Variants in TAF3 observed in about 807,000 individuals in gnomAD.
The protein encoded by TAF3 is TATA-box binding protein associated factor 3.
In TAF3, 7 loss-of-function variants were observed where a neutral mutation model predicts 80.6. The ratio of observed to expected loss-of-function variants is 0.09; its 90% confidence interval spans 0.05 to 0.16. The LOEUF (loss-of-function observed/expected upper bound fraction) is 0.16, where lower values mean the gene tolerates loss of function less well. TAF3 is among the 10% of genes least tolerant of loss of function. The pLI, the probability that TAF3 is intolerant of heterozygous loss-of-function variation, is 1.00. For synonymous variants in TAF3, 444 were observed against 446.1 expected (o/e 1.00, Z 0.06); for missense variants, 921 against 1,140.2 (o/e 0.81, Z 2.77).
At position 7,898,506 on chromosome 10, in the gene TAF3, A is replaced by T. The variant is rs1235889513; in HGVS notation, c.410-65414A>T. Among the ~76,000 whole-genome samples the T allele has an allele frequency of 2.0e-5, 3 of 147,036 alleles. No homozygotes were observed. The East Asian group carries it at 6.1e-4, about 30-fold the overall frequency. ...GGTTGCAGTGAGCCTAGATCACGCC[A>T]CTGCGCTCCAGATTGGGCGACAGAA... is the stretch of plus-strand genomic sequence containing the variant. On this transcript the variant is annotated intron_variant, in intron 2 of 6. Transcript: ENST00000344293.
intron 2 of TAF3, among the ~76,000 whole-genome samples, chr10:7,943,215 C>T (rs1837993300): frequency 6.6e-6 from 1 of 152,176 alleles, no homozygotes; most frequent in Non-Finnish European, 1.5e-5. Context: ...GAAACAGGCG[C>T]TCGATGTTGG....
At chr10:7,847,306 C>T (rs1836981579) in intron 2 of TAF3, among the ~76,000 whole-genome samples, 1 of 152,110 alleles carries the variant, frequency 6.6e-6, no homozygotes, top group African/African-American at 2.4e-5. Flanking sequence ...CTCATCTAGT[C>T]ATTCAAAAGG....
chr10:7,962,277 G>A (rs1320590830), intron 2 of TAF3, among the ~76,000 whole-genome samples: 1 of 152,062 alleles, frequency 6.6e-6, no homozygotes, highest in Non-Finnish European at 1.5e-5. Flanking sequence ...CATTTCCACT[G>A]TTCTAGCTCT....
In TAF3 at chr10:8,016,200, G is replaced by A. The variant is rs1168172542; in HGVS notation, c.*1449G>A. The A allele has an allele frequency of 6.6e-6, 1 of 152,222 alleles. No individual in the cohort carries two copies. Among genetic ancestry groups the A allele is most frequent in the African/African-American group, 2.4e-5 (1 of 41,460 alleles). The allele number at this position is 152,222 out of a possible 1,614,324, so 9.4% of individuals were successfully genotyped here. On this transcript the variant is annotated 3_prime_UTR_variant, in exon 7 of 7. Coordinates refer to ENST00000344293, the MANE Select transcript of TAF3 (RefSeq NM_031923.4). ...TGAAATAATCCCAGTGTAGGCCCAT[G>A]TGCTGGATCTGTTGGATGCTAGAAT...
intron 2 of TAF3, among the ~76,000 whole-genome samples, chr10:7,937,965 T>C (rs1407345688): frequency 6.6e-6 from 1 of 151,974 alleles, no homozygotes; most frequent in African/African-American, 2.4e-5. Context: ...GGAAATGGGG[T>C]TTATATTGAG....
intron 1 of TAF3, among the ~76,000 whole-genome samples, chr10:7,821,552 T>G (rs147620650): frequency 1.4e-4 from 22 of 152,358 alleles, no homozygotes; most frequent in African/African-American, 5.0e-4. Flanking sequence ...AAGCAAGTAT[T>G]AGAAGTTACC....
intron 2 of TAF3, among the ~76,000 whole-genome samples, chr10:7,825,844 T>C (rs1338130506): frequency 2.6e-5 from 4 of 152,078 alleles, no homozygotes; most frequent in African/African-American, 9.7e-5. Flanking sequence ...TTTCAGGTGT[T>C]TTTTTTTGGG....
chr10:7,873,619 C>T, intron 2 of TAF3, among the ~76,000 whole-genome samples: 1 of 64,780 alleles, frequency 1.5e-5, no homozygotes, highest in South Asian at 4.7e-4. Context: ...CCGAGTTCTC[C>T]CCCCCCCCCC....
intron 2 of TAF3, among the ~76,000 whole-genome samples, chr10:7,852,439 A>G (rs771563922): frequency 1.3e-5 from 2 of 151,790 alleles, no homozygotes; most frequent in African/African-American, 2.4e-5. Flanking sequence ...TCCCTTTTAC[A>G]TTTTCATATT....
At chr10:7,963,739 C>A (rs1831534973) in intron 2 of TAF3, among the ~76,000 whole-genome samples, 181 bp from the exon 3 acceptor site, 1 of 152,000 alleles carries the variant, frequency 6.6e-6, no homozygotes, top group South Asian at 2.1e-4. Context: ...AGCAAATTAA[C>A]AGGGCACATG....
chr10:7,902,444 G>T (rs1217189920), intron 2 of TAF3, among the ~76,000 whole-genome samples: 1 of 152,014 alleles, frequency 6.6e-6, no homozygotes, highest in Non-Finnish European at 1.5e-5. Context: ...AATAAAAAAA[G>T]AATCTTTTCT....
chr10:7,886,258 A>G (rs1468009144), intron 2 of TAF3, among the ~76,000 whole-genome samples: 1 of 152,148 alleles, frequency 6.6e-6, no homozygotes, highest in East Asian at 1.9e-4. Flanking sequence ...AGTCAGCCAC[A>G]TTAGACATAA....
At chr10:7,997,465 C>T (rs557472265) in intron 4 of TAF3, among the ~76,000 whole-genome samples, 3 of 152,316 alleles carry the variant, frequency 2.0e-5, no homozygotes, top group Non-Finnish European at 2.9e-5. Flanking sequence ...GAGGTGAGGA[C>T]GGGCTCTTTA....
chr10:7,974,776 A>G (rs758027446), intron 3 of TAF3, among the ~76,000 whole-genome samples: 1 of 152,168 alleles, frequency 6.6e-6, no homozygotes, highest in Non-Finnish European at 1.5e-5. Flanking sequence ...AGTGGAGCAC[A>G]TTTAAAAGTG....
chr10:7,903,186 C>G (rs982863706), intron 2 of TAF3, among the ~76,000 whole-genome samples: 2 of 152,198 alleles, frequency 1.3e-5, no homozygotes, highest in African/African-American at 4.8e-5. Context: ...TGCCACTGCA[C>G]TCTCAGCCTG....
In TAF3 at chr10:7,964,752, A is replaced by G. The variant is rs1300927990; in HGVS notation, c.1242A>G (p.Glu414=). The change falls in exon 3 of 7, where the codon GAA becomes GAG. Residue 414 remains glutamate (E), a synonymous_variant. Coordinates refer to ENST00000344293, the MANE Select transcript of TAF3 (RefSeq NM_031923.4). The surrounding 1 kb of genome is among the most constrained non-coding windows in gnomAD (Gnocchi z 4.1). ...CTTTCGAATTTTCTTCTGGATCGGA[A>G]TCTGAAGGAGACATTTTTACTAGCC... ...PDPFEFSSGS[E]SEGDIFTSPK... is the part of the protein sequence containing the mutation. 6.2e-6 allele frequency: 10 copies of G among 1,614,064 alleles called. No individual in the cohort carries two copies. The African/African-American group carries it at 8.0e-5, about 13-fold the overall frequency.
chr10:7,884,676 C>T (rs1837392184), intron 2 of TAF3, among the ~76,000 whole-genome samples: 1 of 152,190 alleles, frequency 6.6e-6, no homozygotes, highest in Non-Finnish European at 1.5e-5. Context: ...GCGTGCGCCG[C>T]TGCGCCTGGC....
rs774790162 is a variant in TAF3 at position 8,009,315 on chromosome 10, G to A, written c.2553G>A (p.Thr851=). 5.0e-6 allele frequency: 8 copies of A among 1,591,304 alleles called. No individual in the cohort carries two copies. The South Asian group carries it at 5.6e-5, about 11-fold the overall frequency. Residue 851 remains threonine, a synonymous_variant, in exon 5 of 7, where the codon ACG becomes ACA. Transcript: ENST00000344293. This position sits in a 1 kb window ranked among gnomAD's most constrained non-coding sequence, Gnocchi z 4.1. ...KAPVRSVVTE[T]VSTYVIRDEW... is the part of the protein sequence containing the mutation. ...CCGTGCGCAGCGTGGTGACTGAGAC[G>A]GTCAGCACCTACGTGGTGCGTACCT...
At chr10:7,827,858 G>C (rs911201345) in intron 2 of TAF3, among the ~76,000 whole-genome samples, 1 of 151,746 alleles carries the variant, frequency 6.6e-6, no homozygotes, top group East Asian at 1.9e-4. Context: ...ATCAGAGTCT[G>C]TGGTGGGAGG....
Sources: allele counts gnomAD v4.1 joint callset (sites outside exome capture counted in the v4.1 genomes callset), GRCh38; gene constraint gnomAD v4.1.1; non-coding constraint Gnocchi (gnomAD v3.1); transcripts MANE v1.5; gene names NCBI Gene and HGNC (gene_info 2026-07-23, HGNC 2026-07-21).